The following LCE7A variants were observed in gnomAD, a reference collection of about 807,000 sequenced individuals.
LCE7A encodes late cornified envelope protein 7A.
chr1:152,860,734 C>T, the LCE7A span, among the ~76,000 whole-genome samples: 5 of 152,158 alleles, frequency 3.3e-5, no homozygotes, highest in African/African-American at 4.8e-5. Context: ...ATGGCAGCTC[C>T]CTGCCAAGTG....
the LCE7A span, among the ~76,000 whole-genome samples, chr1:152,860,399 A>G: frequency 6.6e-6 from 1 of 152,184 alleles, no homozygotes; most frequent in Non-Finnish European, 1.5e-5. Context: ...GATAATAAGT[A>G]AGTGAAGATT....
chr1:152,860,906 G>C, the LCE7A span, among the ~76,000 whole-genome samples: 1 of 152,098 alleles, frequency 6.6e-6, no homozygotes, highest in East Asian at 1.9e-4. Flanking sequence ...TTCTACCTGC[G>C]TCAGCCCCAG....
the LCE7A span, among the ~76,000 whole-genome samples, chr1:152,861,196 T>C: frequency 3.9e-5 from 6 of 152,230 alleles, no homozygotes; most frequent in Non-Finnish European, 8.8e-5. Context: ...AAGAAAAACC[T>C]GCTTTTTGAA....
chr1:152,860,965 A>G, the LCE7A span, among the ~76,000 whole-genome samples: 6,796 of 152,234 alleles, frequency 0.045, 481 homozygotes, highest in African/African-American at 0.15. Context: ...CACTTGCTAT[A>G]GCTCTGGAGA....
the LCE7A span, among the ~76,000 whole-genome samples, chr1:152,861,140 CTCT>C: frequency 6.6e-6 from 1 of 152,196 alleles, no homozygotes; most frequent in Non-Finnish European, 1.5e-5. Flanking sequence ...AACCTCAGGC[CTCT>C]TGGCCTTGGC....
At chr1:152,860,181 A>G in the LCE7A span, among the ~76,000 whole-genome samples, 2 of 152,154 alleles carry the variant, frequency 1.3e-5, no homozygotes, top group Admixed American at 6.5e-5. Flanking sequence ...GTTCAGAAGC[A>G]GCAAACCCAG....
chr1:152,860,389 G>T, the LCE7A span, among the ~76,000 whole-genome samples: 1 of 152,136 alleles, frequency 6.6e-6, no homozygotes, highest in Non-Finnish European at 1.5e-5. Flanking sequence ...TAGAAGATAG[G>T]ATAATAAGTA....
the LCE7A span, among the ~76,000 whole-genome samples, chr1:152,860,932 G>A: frequency 6.6e-6 from 1 of 152,320 alleles, no homozygotes; most frequent in East Asian, 1.9e-4. Flanking sequence ...TGACTGCTGT[G>A]AGCACGAGTC....
At chr1:152,860,342 ACT>A in the LCE7A span, among the ~76,000 whole-genome samples, 2 of 152,162 alleles carry the variant, frequency 1.3e-5, no homozygotes, top group African/African-American at 4.8e-5. Context: ...GTAACCATAG[ACT>A]CAGGTTAAAA....
chr1:152,861,072 TCTC>T, the LCE7A span, among the ~76,000 whole-genome samples: 1 of 152,062 alleles, frequency 6.6e-6, no homozygotes, highest in Non-Finnish European at 1.5e-5. Context: ...CCTCCTTCCT[TCTC>T]CTCCTGAACT....
chr1:152,860,492 C>T, the LCE7A span, among the ~76,000 whole-genome samples: 1 of 152,144 alleles, frequency 6.6e-6, no homozygotes, highest in South Asian at 2.1e-4. Flanking sequence ...GAGAAGATGT[C>T]ACCAGACTCT....
chr1:152,860,417 C>T, the LCE7A span, among the ~76,000 whole-genome samples: 1 of 152,118 alleles, frequency 6.6e-6, no homozygotes, highest in Admixed American at 6.5e-5. Flanking sequence ...ATTTGGGGGA[C>T]TACATAGTGC....
the LCE7A span, among the ~76,000 whole-genome samples, chr1:152,861,181 T>C: frequency 6.6e-6 from 1 of 152,330 alleles, no homozygotes; most frequent in South Asian, 2.1e-4. Flanking sequence ...GAGACCTGCA[T>C]GCAAAAGAAA....
the LCE7A span, among the ~76,000 whole-genome samples, chr1:152,860,049 T>C: frequency 2.0e-5 from 3 of 152,204 alleles, no homozygotes; most frequent in African/African-American, 7.2e-5. Flanking sequence ...TTTTTACTGA[T>C]CTGATGGCAG....
the LCE7A span, among the ~76,000 whole-genome samples, chr1:152,861,136 A>G: frequency 1.3e-5 from 2 of 152,146 alleles, no homozygotes; most frequent in African/African-American, 4.8e-5. Flanking sequence ...TGAGAACCTC[A>G]GGCCTCTTGG....
chr1:152,860,415 G>T, the LCE7A span, among the ~76,000 whole-genome samples: 2 of 152,140 alleles, frequency 1.3e-5, no homozygotes, highest in Non-Finnish European at 2.9e-5. Context: ...AGATTTGGGG[G>T]ACTACATAGT....
chr1:152,860,805 C>A, the LCE7A span, among the ~76,000 whole-genome samples: 1 of 152,190 alleles, frequency 6.6e-6, no homozygotes, highest in African/African-American at 2.4e-5. Context: ...CAGCTCCATG[C>A]CCCCCTCCAG....
At chr1:152,860,916 G>T in the LCE7A span, among the ~76,000 whole-genome samples, 1 of 152,190 alleles carries the variant, frequency 6.6e-6, no homozygotes, top group Non-Finnish European at 1.5e-5. Flanking sequence ...GTCAGCCCCA[G>T]CATTCTGACT....
the LCE7A span, among the ~76,000 whole-genome samples, chr1:152,860,025 G>C: frequency 6.6e-6 from 1 of 152,166 alleles, no homozygotes; most frequent in South Asian, 2.1e-4. Flanking sequence ...AGGGTTAAGA[G>C]GACAAGGTGA....
Sources: allele counts gnomAD v4.1 joint callset (sites outside exome capture counted in the v4.1 genomes callset), GRCh38; gene constraint gnomAD v4.1.1; transcripts MANE v1.5; gene names NCBI Gene and HGNC (gene_info 2026-07-23, HGNC 2026-07-21).